The following NWD2 variants were observed in gnomAD, a reference collection of about 807,000 sequenced individuals.
The protein encoded by NWD2 is NACHT and WD repeat domain containing 2.
NWD2 carries 37 observed loss-of-function variants against 132.7 expected under a neutral mutation model. That is an observed-to-expected ratio of 0.28 (90% CI 0.21 to 0.37). The LOEUF is 0.37. Among genes scored for constraint, NWD2 ranks in the 10% least tolerant of loss-of-function variants. NWD2 has a pLI of 1.00. For missense variants in NWD2, 1,592 were observed against 2,122.4 expected (o/e 0.75, Z 4.91); for synonymous variants, 705 against 803.0 (o/e 0.88, Z 2.06).
chr4:37,353,965 T>G (rs1359611219), intron 2 of NWD2, among the ~76,000 whole-genome samples: 3 of 152,162 alleles, frequency 2.0e-5, no homozygotes, highest in Non-Finnish European at 4.4e-5. Context: ...CGCTGGTTTT[T>G]TCTCATCTTT....
intron 3 of NWD2, among the ~76,000 whole-genome samples, chr4:37,393,812 A>C (rs2109312759): frequency 6.6e-6 from 1 of 152,316 alleles, no homozygotes; most frequent in South Asian, 2.1e-4. Flanking sequence ...CTGCTTCTTA[A>C]GGCTCAGCTC....
At chr4:37,275,876 T>C (rs1358683269) in intron 1 of NWD2, among the ~76,000 whole-genome samples, 1 of 152,164 alleles carries the variant, frequency 6.6e-6, no homozygotes, top group Admixed American at 6.5e-5. Flanking sequence ...TAAATGGTGC[T>C]GGTAAAACTG....
At chr4:37,428,535 G>A (rs1712067863) in intron 3 of NWD2, among the ~76,000 whole-genome samples, 1 of 152,200 alleles carries the variant, frequency 6.6e-6, no homozygotes, top group Non-Finnish European at 1.5e-5. Context: ...GCCACCTGGA[G>A]GACTTGCTAA....
intron 2 of NWD2, 131 bp from the exon 3 acceptor site, chr4:37,356,235 T>G: frequency 4.1e-6 from 2 of 491,534 alleles, no homozygotes; most frequent in Non-Finnish European, 7.2e-6. Flanking sequence ...TAAATGGATC[T>G]TAAAAATCAC....
chr4:37,387,904 C>A (rs760227086), intron 3 of NWD2, among the ~76,000 whole-genome samples: 1 of 151,704 alleles, frequency 6.6e-6, no homozygotes, highest in African/African-American at 2.4e-5. Context: ...GAGCTCCTGA[C>A]CTCAGGTGAT....
chr4:37,360,093 TTG>T (rs1404959913), intron 3 of NWD2, among the ~76,000 whole-genome samples: 1 of 152,098 alleles, frequency 6.6e-6, no homozygotes, highest in East Asian at 1.9e-4. Context: ...ACTAACTTAA[TTG>T]TACTTTAGTG....
intron 3 of NWD2, among the ~76,000 whole-genome samples, chr4:37,400,995 T>A (rs1720885987): frequency 6.6e-6 from 1 of 152,180 alleles, no homozygotes; most frequent in Admixed American, 6.5e-5. Flanking sequence ...TCATTGGAGT[T>A]GTATAGTCAT....
intron 1 of NWD2, among the ~76,000 whole-genome samples, chr4:37,322,470 A>C (rs1719087969): frequency 6.6e-6 from 1 of 152,212 alleles, no homozygotes; most frequent in African/African-American, 2.4e-5. Context: ...TGGGAATATA[A>C]TCTAAGAATC....
intron 3 of NWD2, among the ~76,000 whole-genome samples, chr4:37,389,798 C>A (rs1720644778): frequency 6.9e-6 from 1 of 144,386 alleles, no homozygotes; most frequent in African/African-American, 2.6e-5. Flanking sequence ...TTTTTTTTTA[C>A]ACAATGGAGT....
At chr4:37,345,857 G>A (rs1406020547) in intron 2 of NWD2, among the ~76,000 whole-genome samples, 1 of 152,116 alleles carries the variant, frequency 6.6e-6, no homozygotes, top group East Asian at 1.9e-4. Context: ...GAGGCAGGTG[G>A]ATCACCTGAG....
intron 3 of NWD2, among the ~76,000 whole-genome samples, chr4:37,374,845 A>G (rs1416686208): frequency 6.6e-6 from 1 of 152,218 alleles, no homozygotes; most frequent in Non-Finnish European, 1.5e-5. Context: ...CAAGTAAGAA[A>G]ACTTTTTAAA....
chr4:37,300,771 A>G lies in NWD2; in HGVS notation c.152-25165A>G, dbSNP rs554645604. Among the ~76,000 whole-genome samples, 3 of 152,242 alleles carry G rather than the reference A, an allele frequency of 2.0e-5. 1 individual carries two copies. The South Asian group carries it at 6.2e-4, about 32-fold the overall frequency. Reference sequence around the variant, plus strand: ...AACAAAGAATAAAAATACTCAAAATATTATTTTCTGAAAAACATAAGGAAT... The same window carrying G: ...AACAAAGAATAAAAATACTCAAAATGTTATTTTCTGAAAAACATAAGGAAT... On this transcript the variant is annotated intron_variant, in intron 1 of 6. Coordinates refer to ENST00000309447, the MANE Select transcript of NWD2 (RefSeq NM_001144990.2).
chr4:37,420,577 G>T (rs1711778391), intron 3 of NWD2, among the ~76,000 whole-genome samples: 1 of 152,240 alleles, frequency 6.6e-6, no homozygotes, highest in Non-Finnish European at 1.5e-5. Flanking sequence ...CAGCTACTCA[G>T]GAGGCTGAGA....
chr4:37,358,750 A>G (rs1719919368), intron 3 of NWD2, among the ~76,000 whole-genome samples: 1 of 152,228 alleles, frequency 6.6e-6, no homozygotes, highest in South Asian at 2.1e-4. Context: ...ATAGTAATCC[A>G]TTAAAAAGTG....
chr4:37,396,944 A>G (rs1038598766), intron 3 of NWD2, among the ~76,000 whole-genome samples: 1 of 151,936 alleles, frequency 6.6e-6, no homozygotes, highest in East Asian at 1.9e-4. Flanking sequence ...GAAGTGGGAG[A>G]ATTGCTTGAA....
At chr4:37,366,960 C>G (rs1204345022) in intron 3 of NWD2, among the ~76,000 whole-genome samples, 3 of 152,126 alleles carry the variant, frequency 2.0e-5, no homozygotes, top group Non-Finnish European at 4.4e-5. Context: ...ATTTGAATAA[C>G]ATGATTTATA....
chr4:37,402,262 A>G (rs73132385), intron 3 of NWD2, among the ~76,000 whole-genome samples: 2,050 of 152,356 alleles, frequency 0.013, 42 homozygotes, highest in African/African-American at 0.047. Flanking sequence ...TAAATTTCTC[A>G]GTCTCAGATA....
chr4:37,395,610 G>T (rs201951502), intron 3 of NWD2, among the ~76,000 whole-genome samples: 3 of 49,360 alleles, frequency 6.1e-5, no homozygotes, highest in Admixed American at 2.1e-4. Flanking sequence ...AAAAAAAAAA[G>T]AGTCTGCCTC....
In NWD2 at chr4:37,443,901, T is replaced by C; in HGVS notation, c.1913T>C (p.Val638Ala). The C allele has an allele frequency of 6.4e-7, 1 of 1,552,296 alleles. No homozygotes were observed. ...GATGAATCCTCCCTCTCTGTCACCG[T>C]TCATGAAAGTATAGAGCAGTTATTC... ...DVDESSLSVT[V>A]HESIEQLFWS... The change falls in exon 7 of 7, where the codon GTT (valine) becomes GCT (alanine). Residue 638 changes from valine to alanine, a missense_variant. By Grantham distance (64) the Val-to-Ala change is moderately conservative. This residue lies in a region of NWD2 where 1,071 missense variants were observed against 1,398.0 expected (regional missense o/e 0.77). Transcript: ENST00000309447. This position sits in a 1 kb window ranked among gnomAD's most constrained non-coding sequence, Gnocchi z 4.1.
Sources: allele counts gnomAD v4.1 joint callset (sites outside exome capture counted in the v4.1 genomes callset), GRCh38; gene constraint gnomAD v4.1.1; regional missense constraint gnomAD v4.1.1; non-coding constraint Gnocchi (gnomAD v3.1); transcripts MANE v1.5; gene names NCBI Gene and HGNC (gene_info 2026-07-23, HGNC 2026-07-21).